ZFAT: variants seen among roughly 807,000 people sequenced by gnomAD.
ZFAT encodes zinc finger protein ZFAT.
Under a neutral mutation model 117.7 loss-of-function variants are expected in ZFAT, and 64 were observed. The ratio of observed to expected loss-of-function variants is 0.54; its 90% CI spans 0.44 to 0.67. The LOEUF (loss-of-function observed/expected upper bound fraction) is 0.67. Among genes scored for constraint, ZFAT ranks in the 30% least tolerant of loss-of-function variants. The pLI is 0.00. For missense variants in ZFAT, 1,433 were observed against 1,584.5 expected (o/e 0.90, Z 1.62); for synonymous variants, 679 against 615.0 (o/e 1.10, Z -1.54).
intron 11 of ZFAT, among the ~76,000 whole-genome samples, chr8:134,557,808 A>G (rs564554976): frequency 1.3e-5 from 2 of 152,280 alleles, no homozygotes. Flanking sequence ...ATTAAAGGGC[A>G]GTGATTGTCA....
chr8:134,754,040 G>C, the ZFAT span, among the ~76,000 whole-genome samples: 2 of 152,170 alleles, frequency 1.3e-5, no homozygotes, highest in Admixed American at 1.3e-4. Context: ...GAAATATTTG[G>C]GGTCAATATA....
chr8:134,793,784 T>C, the ZFAT span: 1 of 152,096 alleles, frequency 6.6e-6, no homozygotes, highest in Non-Finnish European at 1.5e-5. Context: ...TCTAATCAAA[T>C]CCTCATTACA....
At chr8:134,693,782 G>A (rs779873093) in intron 1 of ZFAT, among the ~76,000 whole-genome samples, 5 of 152,114 alleles carry the variant, frequency 3.3e-5, no homozygotes, top group Non-Finnish European at 5.9e-5. Flanking sequence ...GTGAGGAGTA[G>A]CAGGATAAAC....
chr8:134,588,220 C>T lies in ZFAT; in HGVS notation c.2713+26G>A, dbSNP rs1232835377. 2.6e-6 allele frequency: 4 copies of T among 1,526,836 alleles called. No homozygotes were observed. In the South Asian group the frequency reaches 5.0e-5, roughly 19 times the overall value. 94.6% of individuals were successfully genotyped at this position (1,526,836 alleles called of 1,614,324 possible). A position where few individuals can be genotyped will look rare whatever the true frequency, so the allele number is the denominator to read the frequency against. On this transcript the variant is annotated intron_variant, in intron 9 of 15. Transcript: ENST00000377838. ...ATGGAAGCACAAAATTAGAAAGGTG[C>T]CCAATTTGGAAAGATGAATACTCAC... is the stretch of plus-strand genomic sequence containing the variant.
chr8:134,780,218 T>C, the ZFAT span, among the ~76,000 whole-genome samples: 1 of 152,328 alleles, frequency 6.6e-6, no homozygotes, highest in South Asian at 2.1e-4. Context: ...TCTTAATGAC[T>C]CTCCCATTCA....
At chr8:134,554,492 C>T (rs745414914) in intron 11 of ZFAT, among the ~76,000 whole-genome samples, 4 of 152,168 alleles carry the variant, frequency 2.6e-5, no homozygotes, top group Non-Finnish European at 5.9e-5. Context: ...CAACCTCTTC[C>T]CTGTGAAATG....
chr8:134,496,442 C>T (rs774356224), intron 15 of ZFAT, among the ~76,000 whole-genome samples: 1 of 152,230 alleles, frequency 6.6e-6, no homozygotes, highest in Non-Finnish European at 1.5e-5. Flanking sequence ...TGCTGTCCAT[C>T]CGGGGCAGGG....
rs376158737 is a variant in ZFAT, at chr8:134,637,500, T to C, written c.409A>G (p.Ile137Val). 9 of 1,613,878 alleles carry C rather than the reference T, an allele frequency of 5.6e-6. No homozygotes were observed. The highest frequency in any genetic ancestry group is 4.4e-5 in the South Asian group (4 of 91,090). ...NTRQLRKHIC[I>V]IVLNLGEEEG... is the part of the protein sequence containing the mutation. ...TCCTCACCCAAATTCAGCACGATAA[T>C]GCAGATGTGCTTCCGCAGCTGGCGC... Residue 137 changes from isoleucine to valine, a missense_variant, in exon 3 of 16, where the codon ATT becomes GTT. By Grantham distance (29) the Ile-to-Val change is conservative (BLOSUM62 3). Transcript: ENST00000377838.
chr8:134,556,050 AGGAAGGAAGGAAGGAAGGAAGGAAG>A (rs1427172233), intron 11 of ZFAT, among the ~76,000 whole-genome samples: 21 of 93,344 alleles, frequency 2.2e-4, no homozygotes, highest in African/African-American at 7.9e-4. Context: ...GAAGGAAGGA[AGGAAGGAAGGAAGGAAGGAAGGAAG>A]GGAAGGAAGG....
chr8:134,600,561 A>G lies in ZFAT; in HGVS notation c.2350T>C (p.Cys784Arg). The change falls in exon 7 of 16, where the codon TGC becomes CGC. Residue 784 changes from cysteine (C) to arginine (R), a missense_variant. By Grantham distance (180) the Cys-to-Arg change is radical. Coordinates refer to ENST00000377838, the MANE Select transcript of ZFAT (RefSeq NM_020863.4). ...QCHYSSITKN[C>R]LKRHVIQKHS... ...TTCTGAATTACGTGGCGTTTAAGGCAGTTTTTGGTGATGGAAGAATAATGA... is the reference window on the plus strand; with the variant it reads ...TTCTGAATTACGTGGCGTTTAAGGCGGTTTTTGGTGATGGAAGAATAATGA... 3 of 1,614,158 alleles carry G rather than the reference A, an allele frequency of 1.9e-6. No homozygotes were observed. The highest frequency in any genetic ancestry group is 2.5e-6 in the Non-Finnish European group (3 of 1,180,040).
At position 134,602,486 on chromosome 8, in the gene ZFAT, G is replaced by A; in HGVS notation, c.1233C>T (p.Arg411=). 6.2e-7 allele frequency: 1 copy of A among 1,613,882 alleles called. No individual in the cohort carries two copies. The highest frequency in any genetic ancestry group is 1.1e-5 in the South Asian group (1 of 91,076). Residue 411 remains arginine, a synonymous_variant, in exon 6 of 16, where the codon CGC becomes CGT. Coordinates refer to ENST00000377838, the MANE Select transcript of ZFAT (RefSeq NM_020863.4). ...QLLYDCHICE[R]KFKNELDRDR... Reference sequence around the variant, plus strand: ...CACGGTCCAGCTCGTTCTTGAACTTGCGCTCACAGATGTGGCAGTCATAGA... The same window carrying A: ...CACGGTCCAGCTCGTTCTTGAACTTACGCTCACAGATGTGGCAGTCATAGA...
intron 15 of ZFAT, among the ~76,000 whole-genome samples, chr8:134,494,544 C>A (rs1238690695): frequency 6.6e-6 from 1 of 152,140 alleles, no homozygotes; most frequent in Non-Finnish European, 1.5e-5. Flanking sequence ...GTTTCTTTCC[C>A]AGTACTTGAA....
chr8:134,768,466 GCC>G, the ZFAT span, among the ~76,000 whole-genome samples: 190 of 152,112 alleles, frequency 1.2e-3, 3 homozygotes, highest in Non-Finnish European at 3.1e-4. Context: ...TCTAAGACTA[GCC>G]AATTTACAAA....
At chr8:134,801,589 C>T in the ZFAT span, among the ~76,000 whole-genome samples, 37 of 152,268 alleles carry the variant, frequency 2.4e-4, no homozygotes, top group East Asian at 2.5e-3. Flanking sequence ...TACCTCCCCG[C>T]CACCCCACTC....
the ZFAT span, among the ~76,000 whole-genome samples, chr8:134,807,835 A>C: frequency 1.3e-5 from 2 of 152,150 alleles, no homozygotes; most frequent in East Asian, 3.8e-4. Context: ...AGCAGAGACA[A>C]AAAGAAAAAG....
At chr8:134,799,603 T>A in the ZFAT span, among the ~76,000 whole-genome samples, 1 of 152,202 alleles carries the variant, frequency 6.6e-6, no homozygotes, top group Non-Finnish European at 1.5e-5. Context: ...GGTGCTATTA[T>A]AATTTCAATT....
At chr8:134,594,225 C>T (rs554262883) in intron 7 of ZFAT, among the ~76,000 whole-genome samples, 1 of 152,294 alleles carries the variant, frequency 6.6e-6, no homozygotes, top group African/African-American at 2.4e-5. Flanking sequence ...CAGAAACAAA[C>T]TTGTTTTGTG....
intron 14 of ZFAT, 115 bp downstream of exon 14, chr8:134,512,360 G>T: frequency 6.8e-7 from 1 of 1,460,876 alleles, no homozygotes. Flanking sequence ...TGAACGCTGG[G>T]TCAGGGATTC....
Position 134,478,727 on chromosome 8 carries a change from G to T in ZFAT, c.3493-6C>A, listed in dbSNP as rs1817067976. ...CTGGGCTCCTCCTCGGTGACCTGCG[G>T]GAGGAGGGCAAGAGAAAGGTCACCC... On this transcript the variant is annotated splice_polypyrimidine_tract_variant and splice_region_variant and intron_variant, in intron 15 of 15. Transcript: ENST00000377838. This position sits in a 1 kb window ranked among gnomAD's most constrained non-coding sequence, Gnocchi z 5.2. 1 of 1,551,564 alleles carries T rather than the reference G, an allele frequency of 6.4e-7. No individual in the cohort carries two copies. Among genetic ancestry groups the T allele is most frequent in the Non-Finnish European group, 8.7e-7 (1 of 1,147,120 alleles).
Sources: allele counts gnomAD v4.1 joint callset (sites outside exome capture counted in the v4.1 genomes callset), GRCh38; gene constraint gnomAD v4.1.1; non-coding constraint Gnocchi (gnomAD v3.1); transcripts MANE v1.5; gene names NCBI Gene and HGNC (gene_info 2026-07-23, HGNC 2026-07-21).